GRM7: variants seen among roughly 807,000 people sequenced by gnomAD.
GRM7 encodes glutamate metabotropic receptor 7, also known as metabotropic glutamate receptor 7.
A neutral mutation model predicts 84.5 loss-of-function variants in GRM7; 35 were observed. That is an observed-to-expected ratio of 0.41 (90% confidence interval 0.32 to 0.55). The LOEUF is 0.55. Ranked by LOEUF, GRM7 falls within the 20% of genes least tolerant of loss-of-function variation. The pLI, the probability that GRM7 is intolerant of heterozygous loss-of-function variation, is 0.19. For synonymous variants in GRM7, 487 were observed against 455.1 expected, an observed-to-expected ratio of 1.07 and a Z score of -0.89; for missense variants, 1,003 against 1,194.6, an observed-to-expected ratio of 0.84 and a Z score of 2.36.
chr3:7,024,218 T>C (rs1278694909), intron 1 of GRM7, among the ~76,000 whole-genome samples: 2 of 152,180 alleles, frequency 1.3e-5, no homozygotes, highest in African/African-American at 4.8e-5. Flanking sequence ...AGCCAGCATC[T>C]TTAGTAACAG....
At chr3:6,975,647 A>G (rs965904285) in intron 1 of GRM7, among the ~76,000 whole-genome samples, 1 of 152,102 alleles carries the variant, frequency 6.6e-6, no homozygotes, top group Non-Finnish European at 1.5e-5. Flanking sequence ...TGTGCTTACG[A>G]TGCTCTCTGA....
In GRM7 at chr3:7,152,856, A is replaced by C. The variant is rs961589820; in HGVS notation, c.736+6188A>C. Among the ~76,000 whole-genome samples, 3 of 152,318 alleles carry C rather than the reference A, an allele frequency of 2.0e-5. No homozygotes were observed. The East Asian group carries it at 5.8e-4, about 29-fold the overall frequency. On this transcript the variant is annotated intron_variant, in intron 2 of 9. Transcript: ENST00000357716. The stretch of plus-strand genomic sequence containing the variant: ...ATCGCTGTAGAGCTAAAACAGTCAG[A>C]TATTCATGTTCCTAGCCTGCCTTGA...
chr3:7,368,985 C>T (rs2125114937), intron 4 of GRM7, among the ~76,000 whole-genome samples: 1 of 40,952 alleles, frequency 2.4e-5, no homozygotes, highest in African/African-American at 1.0e-4. Context: ...CAATTCCAGT[C>T]ACCTTTAATT....
At chr3:7,299,527 TAC>T (rs1233709134) in intron 3 of GRM7, among the ~76,000 whole-genome samples, 2 of 152,212 alleles carry the variant, frequency 1.3e-5, no homozygotes, top group African/African-American at 4.8e-5. Flanking sequence ...AAAGTAAACA[TAC>T]AATCTCCATC....
At chr3:7,622,048 AG>A (rs1697385952) in intron 8 of GRM7, among the ~76,000 whole-genome samples, 1 of 152,176 alleles carries the variant, frequency 6.6e-6, no homozygotes, top group Non-Finnish European at 1.5e-5. Context: ...CTGGGAAAAA[AG>A]TTGTCACGGG....
chr3:7,199,928 G>A (rs1312565988), intron 2 of GRM7, among the ~76,000 whole-genome samples: 2 of 152,186 alleles, frequency 1.3e-5, no homozygotes, highest in African/African-American at 2.4e-5. Flanking sequence ...ACTTGAGGCT[G>A]AGTAATTTAT....
chr3:7,619,383 TACAAGTTAAGGAGA>T (rs1296604030), intron 8 of GRM7, among the ~76,000 whole-genome samples: 3 of 151,770 alleles, frequency 2.0e-5, no homozygotes, highest in Non-Finnish European at 4.4e-5. Context: ...TGTGTACACT[TACAAGTTAAGGAGA>T]AATGGGCGGA....
At chr3:7,527,585 G>A (rs1700855710) in intron 7 of GRM7, among the ~76,000 whole-genome samples, 1 of 151,976 alleles carries the variant, frequency 6.6e-6, no homozygotes, top group South Asian at 2.1e-4. Flanking sequence ...TGAGAGAGTA[G>A]ACATCCTTGT....
intron 1 of GRM7, among the ~76,000 whole-genome samples, chr3:7,060,518 C>G (rs1697401340): frequency 6.6e-6 from 1 of 151,646 alleles, no homozygotes; most frequent in African/African-American, 2.4e-5. Context: ...TATGGGGATA[C>G]CAATCTATAC....
intron 1 of GRM7, among the ~76,000 whole-genome samples, chr3:6,910,857 A>AT (rs1262237254): frequency 1.3e-5 from 2 of 152,172 alleles, no homozygotes; most frequent in African/African-American, 4.8e-5. Context: ...ATTGAGAAAG[A>AT]TTGATTTCTT....
At chr3:7,402,397 A>G (rs1695490533) in intron 4 of GRM7, among the ~76,000 whole-genome samples, 1 of 152,216 alleles carries the variant, frequency 6.6e-6, no homozygotes, top group Non-Finnish European at 1.5e-5. Context: ...ACCTAATGCA[A>G]TGTCTCCCTC....
intron 4 of GRM7, among the ~76,000 whole-genome samples, chr3:7,349,895 A>C (rs543574813): frequency 2.6e-5 from 4 of 152,120 alleles, no homozygotes; most frequent in Non-Finnish European, 5.9e-5. Context: ...TCTTTTCATG[A>C]AGCAATTATA....
chr3:7,328,024 C>T (rs1701052319), intron 4 of GRM7, among the ~76,000 whole-genome samples: 1 of 152,144 alleles, frequency 6.6e-6, no homozygotes, highest in African/African-American at 2.4e-5. Context: ...CTTCCAAGTT[C>T]CAAAGCCAGA....
At chr3:6,956,944 A>G (rs1693077928) in intron 1 of GRM7, among the ~76,000 whole-genome samples, 1 of 152,244 alleles carries the variant, frequency 6.6e-6, no homozygotes, top group African/African-American at 2.4e-5. Flanking sequence ...ATACTTTACA[A>G]AAATGCTGCT....
At chr3:7,235,437 G>A (rs537540119) in intron 2 of GRM7, among the ~76,000 whole-genome samples, 1 of 152,208 alleles carries the variant, frequency 6.6e-6, no homozygotes, top group Admixed American at 6.5e-5. Flanking sequence ...CACCAATAAG[G>A]AATTTTCTGT....
At chr3:7,490,291 G>A (rs750924191) in intron 7 of GRM7, among the ~76,000 whole-genome samples, 1 of 152,022 alleles carries the variant, frequency 6.6e-6, no homozygotes, top group Non-Finnish European at 1.5e-5. Flanking sequence ...TAAAGTTATA[G>A]CACAAAATGT....
At chr3:7,725,880 AG>A (rs1702107203) in intron 9 of GRM7, among the ~76,000 whole-genome samples, 1 of 152,104 alleles carries the variant, frequency 6.6e-6, no homozygotes, top group African/African-American at 2.4e-5. Flanking sequence ...ACAGCTAAAT[AG>A]AGATACTTTA....
In GRM7 at chr3:7,209,830, G is replaced by A. The variant is rs1009241461; in HGVS notation, c.736+63162G>A. On this transcript the variant is annotated intron_variant, in intron 2 of 9. Transcript: ENST00000357716. Reference sequence around the variant, plus strand: ...GGTAGAAGTAGAGAAGGCCTTAAAGGGTAATTTTTAATTTATTTTGTTTTT... The same window carrying A: ...GGTAGAAGTAGAGAAGGCCTTAAAGAGTAATTTTTAATTTATTTTGTTTTT... Among the ~76,000 whole-genome samples, 6 of 152,106 alleles carry A rather than the reference G, an allele frequency of 3.9e-5. No homozygotes were observed. The South Asian group carries it at 1.0e-3, about 26-fold the overall frequency.
chr3:7,533,234 A>G (rs761494978), intron 7 of GRM7, among the ~76,000 whole-genome samples: 2 of 152,164 alleles, frequency 1.3e-5, no homozygotes, highest in South Asian at 2.1e-4. Flanking sequence ...AAAGCTGACC[A>G]CATAATTAGA....
Sources: gnomAD v4.1 joint callset for allele counts (sites outside exome capture counted in the v4.1 genomes callset) on GRCh38, gnomAD v4.1.1 for gene constraint, MANE v1.5 for transcripts, NCBI Gene and HGNC (gene_info 2026-07-23, HGNC 2026-07-21) for gene names.